Variants in CPA3 observed in about 807,000 individuals in gnomAD.
CPA3 encodes the protein carboxypeptidase A3, also known as mast cell carboxypeptidase A.
Under a neutral mutation model 55.8 loss-of-function variants are expected in CPA3, and 52 were observed. The ratio of observed to expected loss-of-function variants is 0.93; its 90% CI spans 0.75 to 1.17. The LOEUF is 1.17. Ranked by LOEUF, CPA3 falls within the 50% of genes most tolerant of loss-of-function variation. The pLI is 0.00. For synonymous variants in CPA3, 179 were observed against 171.2 expected (o/e 1.05, Z -0.36); for missense variants, 547 against 509.1 (o/e 1.07, Z -0.72).
At chr3:148,884,522 T>C (rs1714470869) in intron 9 of CPA3, among the ~76,000 whole-genome samples, 1 of 152,192 alleles carries the variant, frequency 6.6e-6, no homozygotes, top group African/African-American at 2.4e-5. Flanking sequence ...CCATGGTGAT[T>C]GGCAAATATA....
chr3:148,868,389 G>A (rs1182116288), intron 2 of CPA3, among the ~76,000 whole-genome samples: 1 of 152,090 alleles, frequency 6.6e-6, no homozygotes, highest in Non-Finnish European at 1.5e-5. Context: ...CAGGAGAGAG[G>A]AGTAAAATTT....
chr3:148,891,509 C>T (rs200031146), intron 10 of CPA3, among the ~76,000 whole-genome samples: 181 of 122,668 alleles, frequency 1.5e-3, no homozygotes, highest in Middle Eastern at 8.5e-3. Context: ...CACACACACA[C>T]ACATACACAC....
intron 6 of CPA3, 177 bp from the exon 7 acceptor site, chr3:148,881,345 T>A (rs1288728913): frequency 2.0e-6 from 1 of 488,356 alleles, no homozygotes; most frequent in Admixed American, 3.7e-5. Context: ...CTAAATAAGT[T>A]AGGTTTTTTT....
intron 9 of CPA3, among the ~76,000 whole-genome samples, chr3:148,885,064 T>C (rs1363667309): frequency 1.3e-5 from 2 of 152,178 alleles, no homozygotes; most frequent in African/African-American, 4.8e-5. Flanking sequence ...CACTAACGTG[T>C]ATTAAAAGGT....
At chr3:148,868,825 T>C in intron 2 of CPA3, 90 bp from the exon 3 acceptor site, 1 of 1,441,588 alleles carries the variant, frequency 6.9e-7, no homozygotes, top group South Asian at 1.4e-5. Flanking sequence ...CCCAAATTCC[T>C]TTCATGGTGT....
Position 148,878,768 on chromosome 3 carries a change from C to G in CPA3, c.474+20C>G. ...CTGAAGGTAAAAATAACTCAAGAAC[C>G]ACTAATTCTTATTACTGTTGAAAAA... is the stretch of plus-strand genomic sequence containing the variant. On this transcript the variant is annotated intron_variant, in intron 5 of 10. Transcript: ENST00000296046. The G allele has an allele frequency of 7.3e-7, 1 of 1,367,108 alleles. No homozygotes were observed. The highest frequency in any genetic ancestry group is 1.9e-4 in the Middle Eastern group (1 of 5,208). The allele number at this position is 1,367,108 out of a possible 1,614,324, so 84.7% of individuals were successfully genotyped here.
chr3:148,888,446 A>C (rs1044151799), intron 10 of CPA3, among the ~76,000 whole-genome samples: 5 of 152,390 alleles, frequency 3.3e-5, no homozygotes, highest in Admixed American at 6.5e-5. Flanking sequence ...CAACCTAGCC[A>C]TGCTGGGGAC....
At chr3:148,884,032 GA>G (rs113385325) in intron 9 of CPA3, among the ~76,000 whole-genome samples, 6 of 150,812 alleles carry the variant, frequency 4.0e-5, no homozygotes, top group East Asian at 1.9e-4. Context: ...TTCTCAGGAG[GA>G]AAAAAAAATC....
At chr3:148,893,469 C>T (rs1321358926) in intron 10 of CPA3, among the ~76,000 whole-genome samples, 4 of 152,078 alleles carry the variant, frequency 2.6e-5, no homozygotes, top group Non-Finnish European at 4.4e-5. Context: ...CAATATAATT[C>T]ACTCGCTCTG....
intron 4 of CPA3, 29 bp from the exon 5 acceptor site, chr3:148,878,618 A>G (rs544079869): frequency 2.5e-6 from 4 of 1,575,692 alleles, no homozygotes; most frequent in South Asian, 2.3e-5. Flanking sequence ...CTTTTATTCT[A>G]ATTTCTCAAA....
At chr3:148,865,587 T>G (rs771124891) in intron 2 of CPA3, 39 bp downstream of exon 2, 2 of 1,541,088 alleles carry the variant, frequency 1.3e-6, no homozygotes, top group Non-Finnish European at 1.8e-6. Context: ...TTCTTACTGT[T>G]CTCTAAAAGA....
intron 10 of CPA3, among the ~76,000 whole-genome samples, chr3:148,890,034 C>T (rs945670977): frequency 2.0e-5 from 3 of 151,872 alleles, no homozygotes; most frequent in African/African-American, 4.8e-5. Context: ...GGTTGAGAAT[C>T]GCTGATCTAA....
rs182416837 is a variant in CPA3, at chr3:148,874,211, T to G, written c.270-4230T>G. 2.6e-5 allele frequency among the ~76,000 whole-genome samples: 4 copies of G among 152,322 alleles called. No homozygotes were observed. The East Asian group carries it at 7.7e-4, about 29-fold the overall frequency. On this transcript the variant is annotated intron_variant, in intron 3 of 10. Coordinates refer to ENST00000296046, the MANE Select transcript of CPA3 (RefSeq NM_001870.4). ...TCACACTGTTTTTTTTGCTTTGTTT[T>G]GTTTGGTTTTGTTTTGCTGCTGTTA...
At chr3:148,888,250 T>C (rs1026199610) in intron 10 of CPA3, among the ~76,000 whole-genome samples, 3 of 152,240 alleles carry the variant, frequency 2.0e-5, no homozygotes, top group Admixed American at 1.3e-4. Flanking sequence ...GGAATCAACA[T>C]ATACAGTTTC....
intron 9 of CPA3, among the ~76,000 whole-genome samples, chr3:148,885,868 G>C (rs576860291): frequency 9.2e-5 from 14 of 151,946 alleles, no homozygotes; most frequent in African/African-American, 3.4e-4. Flanking sequence ...CTTTGGTTTT[G>C]TTAAAACCAG....
chr3:148,876,234 T>G (rs1714199565), intron 3 of CPA3, among the ~76,000 whole-genome samples: 1 of 151,504 alleles, frequency 6.6e-6, no homozygotes, highest in Non-Finnish European at 1.5e-5. Context: ...ATGATCAAAA[T>G]ACTTAACATT....
intron 10 of CPA3, among the ~76,000 whole-genome samples, chr3:148,891,215 G>T (rs1714656251): frequency 6.6e-6 from 1 of 152,054 alleles, no homozygotes; most frequent in South Asian, 2.1e-4. Context: ...CACATAGAAG[G>T]GTACTTGGTA....
rs139521475 is a variant in CPA3 at position 148,886,125 on chromosome 3, A to G, written c.1014A>G (p.Leu338=). 12 of 1,613,730 alleles carry G rather than the reference A, an allele frequency of 7.4e-6. No homozygotes were observed. The East Asian group carries it at 8.9e-5, about 12-fold the overall frequency. ...TTGCAAAGATTGGCACTGATGTTCT[A>G]TCAACTCGATATGAAACCCGCTACA... ...AKVAKIGTDV[L]STRYETRYIY... is the part of the protein sequence containing the mutation. Residue 338 remains leucine, a synonymous_variant, in exon 10 of 11, where the codon CTA becomes CTG. Coordinates refer to ENST00000296046, the MANE Select transcript of CPA3 (RefSeq NM_001870.4).
intron 10 of CPA3, among the ~76,000 whole-genome samples, 200 bp from the exon 11 acceptor site, chr3:148,896,320 A>C (rs963223913): frequency 1.3e-5 from 2 of 152,206 alleles, no homozygotes; most frequent in African/African-American, 4.8e-5. Context: ...TTTTAAACGC[A>C]GCACACACTG....
Sources: gnomAD v4.1 joint callset for allele counts (sites outside exome capture counted in the v4.1 genomes callset) on GRCh38, gnomAD v4.1.1 for gene constraint, MANE v1.5 for transcripts, NCBI Gene and HGNC (gene_info 2026-07-23, HGNC 2026-07-21) for gene names.